GDA: variants seen among roughly 807,000 people sequenced by gnomAD.
GDA encodes the protein cytoplasmic PSD-95 interactor.
In GDA, 18 loss-of-function variants were observed where a neutral mutation model predicts 59.6. That is an observed-to-expected ratio of 0.30 (90% confidence interval 0.21 to 0.45). The LOEUF (loss-of-function observed/expected upper bound fraction) is 0.45. GDA is among the 20% of genes least tolerant of loss of function. The pLI is 1.00. For synonymous variants in GDA, 201 were observed against 201.1 expected, an observed-to-expected ratio of 1.00 and a Z score of 0.00; for missense variants, 427 against 552.3, an observed-to-expected ratio of 0.77 and a Z score of 2.27.
intron 5 of GDA, among the ~76,000 whole-genome samples, chr9:72,214,461 A>T (rs1835832211): frequency 6.6e-6 from 1 of 151,706 alleles, no homozygotes; most frequent in Non-Finnish European, 1.5e-5. Flanking sequence ...ACACTCAGCT[A>T]ATTTTTGTAT....
chr9:72,229,545 G>A (rs941715168), intron 9 of GDA, among the ~76,000 whole-genome samples: 4 of 152,266 alleles, frequency 2.6e-5, no homozygotes, highest in Non-Finnish European at 4.4e-5. Flanking sequence ...TGCCCAAGAA[G>A]TGAGGGAGCT....
At chr9:72,137,401 C>G (rs1400226685) in intron 1 of GDA, among the ~76,000 whole-genome samples, 1 of 151,708 alleles carries the variant, frequency 6.6e-6, no homozygotes, top group Admixed American at 6.6e-5. Context: ...CTCCTGCCAC[C>G]ACGCCCGGCT....
chr9:72,236,100 G>A (rs1272118089), intron 10 of GDA, among the ~76,000 whole-genome samples: 1 of 152,104 alleles, frequency 6.6e-6, no homozygotes, highest in South Asian at 2.1e-4. Flanking sequence ...CGAATTCTTA[G>A]ATGTCAGAGT....
At chr9:72,203,708 T>A (rs1275715838) in intron 3 of GDA, among the ~76,000 whole-genome samples, 1 of 152,206 alleles carries the variant, frequency 6.6e-6, no homozygotes, top group Non-Finnish European at 1.5e-5. Context: ...TCACTACATG[T>A]GGTGGTGGCA....
In GDA at chr9:72,251,617, T is replaced by C. The variant is rs548898977; in HGVS notation, c.*3275T>C. On this transcript the variant is annotated 3_prime_UTR_variant, in exon 14 of 14. Coordinates refer to ENST00000358399, the MANE Select transcript of GDA (RefSeq NM_004293.5). ...GACTTGAAATGGTTTTTAAATTGTA[T>C]GGATTGTTAAGAATTGTTGAAAAAA... 26 of 152,192 alleles carry C rather than the reference T, an allele frequency of 1.7e-4. No individual in the cohort carries two copies. Among genetic ancestry groups the C allele is most frequent in the African/African-American group, 5.8e-4 (24 of 41,526 alleles). The allele number at this position is 152,192 out of a possible 1,614,324, so 9.4% of individuals were successfully genotyped here.
At chr9:72,173,931 C>G (rs1830267672) in intron 1 of GDA, among the ~76,000 whole-genome samples, 1 of 152,134 alleles carries the variant, frequency 6.6e-6, no homozygotes, top group South Asian at 2.1e-4. Flanking sequence ...TTCTCTCTCT[C>G]TGCTCCTCTC....
chr9:72,212,922 A>G (rs1835566306), intron 4 of GDA, among the ~76,000 whole-genome samples: 1 of 152,158 alleles, frequency 6.6e-6, no homozygotes, highest in Admixed American at 6.5e-5. Context: ...ATAGTTACAT[A>G]TTTAATGAAA....
intron 1 of GDA, among the ~76,000 whole-genome samples, chr9:72,139,699 C>G (rs112750768): frequency 6.6e-6 from 1 of 152,102 alleles, no homozygotes; most frequent in South Asian, 2.1e-4. Context: ...TCTTTTTACC[C>G]TTCCTCCTGT....
rs1830872344 is a variant in GDA at position 72,179,123 on chromosome 9, G to A, written c.124-16377G>A. Among the ~76,000 whole-genome samples the A allele has an allele frequency of 2.6e-5, 4 of 152,118 alleles. No individual in the cohort carries two copies. In the South Asian group the frequency reaches 8.3e-4, roughly 32 times the overall value. On this transcript the variant is annotated intron_variant, in intron 1 of 13. Transcript: ENST00000358399. Reference sequence around the variant, plus strand: ...TCAACCTTTTAAGTAGGAATATATAGCAGCTATGAATTTCTCCAACTCTGC... The same window carrying A: ...TCAACCTTTTAAGTAGGAATATATAACAGCTATGAATTTCTCCAACTCTGC...
At chr9:72,202,894 T>TAA in intron 3 of GDA, 152 bp downstream of exon 3, 1 of 467,534 alleles carries the variant, frequency 2.1e-6, no homozygotes, top group South Asian at 4.7e-5. Flanking sequence ...TCCAGTGAGT[T>TAA]TGTGACCACC....
chr9:72,162,190 G>A (rs143522679), intron 1 of GDA, among the ~76,000 whole-genome samples: 1 of 152,172 alleles, frequency 6.6e-6, no homozygotes, highest in East Asian at 1.9e-4. Context: ...TATGCTTGGA[G>A]CTCATGAGAG....
chr9:72,160,403 C>G (rs1364754120), intron 1 of GDA, among the ~76,000 whole-genome samples: 1 of 152,198 alleles, frequency 6.6e-6, no homozygotes, highest in African/African-American at 2.4e-5. Context: ...TTCCTCTCTT[C>G]ACCTCTGCAA....
At chr9:72,232,198 A>T (rs1020379755) in intron 10 of GDA, among the ~76,000 whole-genome samples, 7 of 152,162 alleles carry the variant, frequency 4.6e-5, no homozygotes, top group African/African-American at 1.7e-4. Flanking sequence ...TCTGTTCTTG[A>T]TGCCTTTATC....
intron 1 of GDA, among the ~76,000 whole-genome samples, chr9:72,128,514 A>C (rs1587305543): frequency 6.6e-6 from 1 of 152,334 alleles, no homozygotes; most frequent in East Asian, 1.9e-4. Flanking sequence ...TACCTTTGCA[A>C]TAATAATGGA....
chr9:72,195,651 G>T, intron 2 of GDA, 63 bp downstream of exon 2: 1 of 610,656 alleles, frequency 1.6e-6, no homozygotes, highest in South Asian at 2.4e-5. Flanking sequence ...TAGAAAACCT[G>T]CCTTGAGAGA....
chr9:72,237,683 C>A (rs944932523), intron 10 of GDA, among the ~76,000 whole-genome samples: 24 of 152,138 alleles, frequency 1.6e-4, no homozygotes, highest in African/African-American at 5.1e-4. Context: ...CCTGAAGGAA[C>A]CCCCGAACTT....
chr9:72,219,192 CAGG>C (rs1355136171), intron 5 of GDA, among the ~76,000 whole-genome samples: 3 of 152,056 alleles, frequency 2.0e-5, no homozygotes, highest in African/African-American at 4.8e-5. Context: ...ATCACCAGGT[CAGG>C]AGATCAAGAC....
At chr9:72,183,380 G>A (rs1831487490) in intron 1 of GDA, among the ~76,000 whole-genome samples, 1 of 152,050 alleles carries the variant, frequency 6.6e-6, no homozygotes, top group Admixed American at 6.6e-5. Context: ...AGCATTCTCA[G>A]CCTTGACTGC....
At chr9:72,237,517 T>A (rs993146008) in intron 10 of GDA, among the ~76,000 whole-genome samples, 2 of 152,170 alleles carry the variant, frequency 1.3e-5, no homozygotes, top group Non-Finnish European at 2.9e-5. Flanking sequence ...TCTCTTTGAC[T>A]TTACACATTC....
Sources: gnomAD v4.1 joint callset for allele counts (sites outside exome capture counted in the v4.1 genomes callset) on GRCh38, gnomAD v4.1.1 for gene constraint, MANE v1.5 for transcripts, NCBI Gene and HGNC (gene_info 2026-07-23, HGNC 2026-07-21) for gene names.